GUCY2F: variants seen among roughly 807,000 people sequenced by gnomAD.
The protein encoded by GUCY2F is retinal guanylyl cyclase 2.
In GUCY2F, 61 loss-of-function variants were observed where a neutral mutation model predicts 73.1. The observed-to-expected ratio is 0.83, with a 90% CI of 0.68 to 1.03. GUCY2F has a LOEUF of 1.03. Among genes scored for constraint, GUCY2F ranks in the 50% least tolerant of loss-of-function variants. The pLI is 0.00. For synonymous variants in GUCY2F, 331 were observed against 307.8 expected (o/e 1.08, Z -0.79); for missense variants, 912 against 854.3 (o/e 1.07, Z -0.84).
intron 8 of GUCY2F, among the ~76,000 whole-genome samples, chrX:109,426,956 T>C (rs1000404224): frequency 4.5e-5 from 5 of 111,772 alleles, no homozygotes; most frequent in African/African-American, 9.8e-5. Flanking sequence ...GGAGAGTAGA[T>C]GGAAGTAACA....
intron 17 of GUCY2F, among the ~76,000 whole-genome samples, chrX:109,381,078 C>A (rs776745171): frequency 3.6e-5 from 4 of 111,857 alleles, no homozygotes; most frequent in Non-Finnish European, 5.6e-5. Flanking sequence ...ATACTAATGA[C>A]CTATTGGAAG....
At chrX:109,430,682 T>G (rs1931589742) in intron 7 of GUCY2F, among the ~76,000 whole-genome samples, 1 of 112,332 alleles carries the variant, frequency 8.9e-6, no homozygotes, top group Non-Finnish European at 1.9e-5. Flanking sequence ...CTTTCTTAAC[T>G]AACTGCAGGA....
At chrX:109,470,347 C>G (rs1932549583) in intron 2 of GUCY2F, among the ~76,000 whole-genome samples, 1 of 111,939 alleles carries the variant, frequency 8.9e-6, no homozygotes, top group African/African-American at 3.2e-5. Flanking sequence ...TATTTACTTA[C>G]ATTTGGTGTT....
intron 16 of GUCY2F, among the ~76,000 whole-genome samples, chrX:109,382,641 G>A (rs761329235): frequency 7.0e-4 from 79 of 112,136 alleles, no homozygotes; most frequent in African/African-American, 2.5e-3. Flanking sequence ...TTTTCCATAT[G>A]CATTCTTACA....
chrX:109,421,593 G>C (rs1190175874), intron 8 of GUCY2F, among the ~76,000 whole-genome samples: 1 of 111,307 alleles, frequency 9.0e-6, no homozygotes, highest in African/African-American at 3.3e-5. Context: ...AAATAGAAAA[G>C]GGGAGATTTT....
chrX:109,451,983 G>A, intron 5 of GUCY2F, 40 bp downstream of exon 5: 1 of 687,620 alleles, frequency 1.5e-6, no homozygotes, highest in Non-Finnish European at 2.4e-6. Context: ...GGCTAATATG[G>A]GCTTGTATTT....
intron 8 of GUCY2F, among the ~76,000 whole-genome samples, chrX:109,415,058 G>C (rs1290113089): frequency 9.1e-6 from 1 of 109,913 alleles, no homozygotes; most frequent in African/African-American, 3.3e-5. Context: ...CACCATTCCT[G>C]ATGCTACAGC....
At chrX:109,428,344 A>G (rs766373228) in intron 8 of GUCY2F, among the ~76,000 whole-genome samples, 1 of 112,329 alleles carries the variant, frequency 8.9e-6, no homozygotes, top group Admixed American at 9.4e-5. Context: ...CTCCTGATAA[A>G]GTGCACTGAA....
intron 6 of GUCY2F, among the ~76,000 whole-genome samples, chrX:109,442,486 C>G (rs1036463401): frequency 9.0e-6 from 1 of 111,725 alleles, no homozygotes; most frequent in African/African-American, 3.3e-5. Flanking sequence ...CCTGTGCTCT[C>G]TCTACAACTA....
chrX:109,396,634 G>T (rs971843021), intron 11 of GUCY2F, among the ~76,000 whole-genome samples: 3 of 111,793 alleles, frequency 2.7e-5, no homozygotes, highest in African/African-American at 9.8e-5. Context: ...TGCCCCACCA[G>T]TGTGACCTTC....
intron 8 of GUCY2F, among the ~76,000 whole-genome samples, chrX:109,420,058 C>T (rs759041881): frequency 9.2e-6 from 1 of 108,742 alleles, no homozygotes; most frequent in African/African-American, 3.3e-5. Flanking sequence ...AACATTAATT[C>T]AATGGAAAGC....
rs757562789 is a variant in GUCY2F at position 109,408,642 on chromosome X, T to C, written c.1968+350A>G. Among the ~76,000 whole-genome samples the C allele has an allele frequency of 2.7e-5, 3 of 111,978 alleles. No individual in the cohort carries two copies. In the East Asian group the frequency reaches 8.5e-4, roughly 32 times the overall value. The stretch of plus-strand genomic sequence containing the variant: ...GTAATTGAATCGTGAGGGCTGGTCT[T>C]TTCTGTGCTATTCTCGTGATAGTGA... On this transcript the variant is annotated intron_variant, in intron 9 of 19. Coordinates refer to ENST00000218006, the MANE Select transcript of GUCY2F (RefSeq NM_001522.3).
Position 109,392,993 on chromosome X carries a change from C to T in GUCY2F, c.2487G>A (p.Glu829=). The part of the protein sequence containing the change: ...NIIDSMLRML[E]QYSSNLEDLI... ...AATCTTCCAAGTTGCTAGAATATTG[C>T]TCCAACATCCGAAGCATAGAATCAA... Residue 829 remains glutamate (E), a synonymous_variant, in exon 13 of 20, where the codon GAG becomes GAA. Transcript: ENST00000218006. The T allele has an allele frequency of 8.9e-7, 1 of 1,119,283 alleles. No individual in the cohort carries two copies. Among genetic ancestry groups the T allele is most frequent in the Non-Finnish European group, 1.2e-6 (1 of 811,475 alleles). 92.2% of individuals were successfully genotyped at this position (1,119,283 alleles called of 1,213,427 possible). A position where few individuals can be genotyped will look rare whatever the true frequency, so the allele number is the denominator to read the frequency against.
chrX:109,419,200 CAA>C (rs1423060870), intron 8 of GUCY2F, among the ~76,000 whole-genome samples: 1 of 110,706 alleles, frequency 9.0e-6, no homozygotes, highest in African/African-American at 3.3e-5. Context: ...CAGAAAAAGG[CAA>C]AGACTTCCAA....
chrX:109,393,180 T>C, intron 12 of GUCY2F, 125 bp from the exon 13 acceptor site: 2 of 461,285 alleles, frequency 4.3e-6, no homozygotes, highest in Non-Finnish European at 3.8e-6. Context: ...TGAACCCAGA[T>C]ATAAATAGGA....
intron 14 of GUCY2F, 53 bp downstream of exon 14, chrX:109,391,858 G>T: frequency 1.4e-6 from 1 of 723,521 alleles, no homozygotes; most frequent in Non-Finnish European, 2.0e-6. Flanking sequence ...CATATGGATG[G>T]GCCTCATATA....
intron 15 of GUCY2F, among the ~76,000 whole-genome samples, chrX:109,387,510 T>G: frequency 8.9e-6 from 1 of 112,235 alleles, no homozygotes; most frequent in South Asian, 3.7e-4. Context: ...ACTAAAGCTG[T>G]GGAGTTGGAA....
chrX:109,392,162 A>G, intron 13 of GUCY2F, 59 bp from the exon 14 acceptor site: 1 of 845,834 alleles, frequency 1.2e-6, no homozygotes. Context: ...TGCCACATAC[A>G]CCTGCTAAAA....
Position 109,476,149 on chromosome X carries a change from T to C in GUCY2F, c.-85-128A>G, listed in dbSNP as rs2147286107. On this transcript the variant is annotated intron_variant, in intron 1 of 19. Transcript: ENST00000218006. ...CCAAACTAAAAGTTTCTTTCCCCCA[T>C]CCTGACAAAACTCCTCCTCTTCCTG... 3 of 334,301 alleles carry C rather than the reference T, an allele frequency of 9.0e-6. No homozygotes were observed. In the South Asian group the frequency reaches 2.1e-4, roughly 23 times the overall value. The allele number at this position is 334,301 out of a possible 1,213,427, so 27.6% of individuals were successfully genotyped here. A position where few individuals can be genotyped will look rare whatever the true frequency, so the allele number is the denominator to read the frequency against.
Sources: gnomAD v4.1 joint callset for allele counts (sites outside exome capture counted in the v4.1 genomes callset) on GRCh38, gnomAD v4.1.1 for gene constraint, MANE v1.5 for transcripts, NCBI Gene and HGNC (gene_info 2026-07-23, HGNC 2026-07-21) for gene names.